Variants in LRP1B observed in about 807,000 individuals in gnomAD.
LRP1B encodes the protein LDL receptor related protein 1B.
Under a neutral mutation model 556.6 loss-of-function variants are expected in LRP1B, and 217 were observed. The observed-to-expected ratio is 0.39, with a 90% confidence interval of 0.35 to 0.44. LRP1B has a LOEUF of 0.44. Ranked by LOEUF, LRP1B falls within the 20% of genes least tolerant of loss-of-function variation. The pLI is 1.00. For missense variants in LRP1B, 5,053 were observed against 5,620.8 expected (o/e 0.90, Z 3.23); for synonymous variants, 2,047 against 1,865.8 (o/e 1.10, Z -2.50).
Position 140,982,261 on chromosome 2 carries a change from A to C in LRP1B, c.2786T>G (p.Val929Gly), listed in dbSNP as rs771011300. The C allele has an allele frequency of 1.3e-5, 21 of 1,612,694 alleles. No homozygotes were observed. Among genetic ancestry groups the C allele is most frequent in the Non-Finnish European group, 1.8e-5 (21 of 1,179,088 alleles). The change falls in exon 18 of 91, where the codon GTA becomes GGA. Residue 929 changes from valine (V) to glycine (G), a missense_variant. This residue lies in a region of LRP1B where 3,619 missense variants were observed against 3,931.9 expected (regional missense o/e 0.92). Coordinates refer to ENST00000389484, the MANE Select transcript of LRP1B (RefSeq NM_018557.3). The stretch of plus-strand genomic sequence containing the variant: ...CCCATTTCCGCAAGAAAACTGGTCT[A>C]CCTGGCATGTTCTGGCTATGATGAT... ...NQTCTARTCQVDQFSCGNGRC... is the reference protein window; with the variant it reads ...NQTCTARTCQGDQFSCGNGRC...
chr2:140,325,308 G>A (rs935812353), intron 80 of LRP1B, among the ~76,000 whole-genome samples: 8 of 152,026 alleles, frequency 5.3e-5, no homozygotes, highest in Admixed American at 1.3e-4. Flanking sequence ...AGAGTTAAAT[G>A]GTCATTTTTG....
chr2:140,939,475 A>G (rs545143086), intron 20 of LRP1B, among the ~76,000 whole-genome samples: 1 of 148,470 alleles, frequency 6.7e-6, no homozygotes, highest in Non-Finnish European at 1.5e-5. Flanking sequence ...TATAACATTT[A>G]TAAATATATT....
intron 5 of LRP1B, among the ~76,000 whole-genome samples, chr2:141,234,713 G>T (rs1238020877): frequency 6.6e-6 from 1 of 151,778 alleles, no homozygotes; most frequent in Non-Finnish European, 1.5e-5. Context: ...CTAAAATGAT[G>T]CAAAAAACAG....
intron 43 of LRP1B, among the ~76,000 whole-genome samples, chr2:140,585,645 C>T (rs1272727516): frequency 6.6e-6 from 1 of 152,146 alleles, no homozygotes; most frequent in Non-Finnish European, 1.5e-5. Context: ...CAGTCCAACA[C>T]TGAAACAATG....
At chr2:140,351,501 A>G (rs968406528) in intron 76 of LRP1B, among the ~76,000 whole-genome samples, 1 of 152,136 alleles carries the variant, frequency 6.6e-6, no homozygotes, top group Non-Finnish European at 1.5e-5. Context: ...TACTGTATTT[A>G]TACATCTTAA....
intron 1 of LRP1B, among the ~76,000 whole-genome samples, chr2:141,886,607 A>G (rs943785351): frequency 2.6e-5 from 4 of 152,218 alleles, no homozygotes; most frequent in Admixed American, 6.5e-5. Context: ...ATTCAGGCCA[A>G]TTAGGGATAG....
chr2:141,159,678 A>G (rs2105107710), intron 7 of LRP1B, among the ~76,000 whole-genome samples: 1 of 152,326 alleles, frequency 6.6e-6, no homozygotes, highest in South Asian at 2.1e-4. Flanking sequence ...AAAAAGTACA[A>G]GTTCTTCATA....
chr2:141,405,080 C>A (rs565335599), intron 3 of LRP1B, among the ~76,000 whole-genome samples: 1 of 151,286 alleles, frequency 6.6e-6, no homozygotes, highest in Non-Finnish European at 1.5e-5. Flanking sequence ...GCGACAAGAG[C>A]GAGACTCCGT....
chr2:140,557,781 A>C (rs1680787081), intron 43 of LRP1B, among the ~76,000 whole-genome samples: 1 of 152,160 alleles, frequency 6.6e-6, no homozygotes, highest in Non-Finnish European at 1.5e-5. Context: ...TTTTCTATGA[A>C]GGAGGCTTAT....
intron 7 of LRP1B, among the ~76,000 whole-genome samples, chr2:141,092,243 A>G (rs1700187277): frequency 6.6e-6 from 1 of 152,190 alleles, no homozygotes; most frequent in Admixed American, 6.5e-5. Context: ...CCAAAGAGTT[A>G]TAGGTAATGA....
At chr2:141,576,215 T>C (rs1238541800) in intron 2 of LRP1B, among the ~76,000 whole-genome samples, 2 of 152,116 alleles carry the variant, frequency 1.3e-5, no homozygotes, top group African/African-American at 4.8e-5. Context: ...AAATAAAATG[T>C]GGTACATATA....
intron 41 of LRP1B, among the ~76,000 whole-genome samples, chr2:140,675,770 C>G (rs1685649517): frequency 6.6e-6 from 1 of 152,070 alleles, no homozygotes; most frequent in East Asian, 1.9e-4. Context: ...GAGCAAGACC[C>G]TGTGTCTATA....
chr2:140,266,738 G>A (rs1348110073), intron 86 of LRP1B, among the ~76,000 whole-genome samples: 1 of 151,914 alleles, frequency 6.6e-6, no homozygotes, highest in African/African-American at 2.4e-5. Flanking sequence ...CTGTGAACAT[G>A]TCTCTTCACG....
intron 1 of LRP1B, among the ~76,000 whole-genome samples, chr2:141,960,701 T>C (rs537590959): frequency 6.6e-6 from 1 of 151,998 alleles, no homozygotes; most frequent in Admixed American, 6.6e-5. Flanking sequence ...AATTATAACA[T>C]ATCATTCTCC....
intron 77 of LRP1B, among the ~76,000 whole-genome samples, chr2:140,348,292 T>C (rs1681786629): frequency 6.6e-6 from 1 of 152,002 alleles, no homozygotes; most frequent in African/African-American, 2.4e-5. Context: ...TACAAAAAGA[T>C]TTAGGAGGCA....
At chr2:142,116,172 G>A in intron 1 of LRP1B, among the ~76,000 whole-genome samples, 1 of 113,502 alleles carries the variant, frequency 8.8e-6, no homozygotes, top group Non-Finnish European at 1.7e-5. Flanking sequence ...CAGCCTGGGT[G>A]ACAGAGCGAG....
At chr2:140,895,366 A>T (rs1249936915) in intron 23 of LRP1B, among the ~76,000 whole-genome samples, 2 of 152,206 alleles carry the variant, frequency 1.3e-5, no homozygotes, top group African/African-American at 4.8e-5. Flanking sequence ...CAATTGAAAC[A>T]GGAAATTTTC....
At chr2:140,737,513 C>T (rs1687985867) in intron 35 of LRP1B, among the ~76,000 whole-genome samples, 1 of 152,088 alleles carries the variant, frequency 6.6e-6, no homozygotes, top group Non-Finnish European at 1.5e-5. Context: ...CGTTCTTAGT[C>T]CTAGTGTATA....
At chr2:140,794,342 A>C (rs1302159503) in intron 32 of LRP1B, among the ~76,000 whole-genome samples, 1 of 152,170 alleles carries the variant, frequency 6.6e-6, no homozygotes, top group African/African-American at 2.4e-5. Flanking sequence ...AGTATTCTTC[A>C]ACTTTCACTA....
Sources: allele counts gnomAD v4.1 joint callset (sites outside exome capture counted in the v4.1 genomes callset), GRCh38; gene constraint gnomAD v4.1.1; regional missense constraint gnomAD v4.1.1; transcripts MANE v1.5; gene names NCBI Gene and HGNC (gene_info 2026-07-23, HGNC 2026-07-21).